Variants in LIPJ observed in about 807,000 individuals in gnomAD.
LIPJ encodes the protein lipase family member J.
In LIPJ, 33 loss-of-function variants were observed where a neutral mutation model predicts 39.8. The ratio of observed to expected loss-of-function variants is 0.83; its 90% CI spans 0.63 to 1.11. LIPJ has a LOEUF of 1.11. Among genes scored for constraint, LIPJ ranks in the 50% least tolerant of loss-of-function variants. The pLI, the probability that LIPJ is intolerant of heterozygous loss-of-function variation, is 0.00. For missense variants in LIPJ, 422 were observed against 427.9 expected, an observed-to-expected ratio of 0.99 and a Z score of 0.12; for synonymous variants, 128 against 139.2, an observed-to-expected ratio of 0.92 and a Z score of 0.57.
chr10:88,610,974 A>T (rs1243635891), downstream of LIPJ, among the ~76,000 whole-genome samples: 1 of 152,228 alleles, frequency 6.6e-6, no homozygotes, highest in Non-Finnish European at 1.5e-5. Flanking sequence ...ATATCTTAGA[A>T]GAGACGCAGA....
At chr10:88,610,134 G>T (rs1194599748), downstream of LIPJ, among the ~76,000 whole-genome samples, 1 of 152,114 alleles carries the variant, frequency 6.6e-6, no homozygotes, top group Non-Finnish European at 1.5e-5. Flanking sequence ...AATGAAAATT[G>T]ATCACTTATT....
intron 5 of LIPJ, 119 bp downstream of exon 5, chr10:88,594,263 A>G (rs981844800): frequency 4.3e-6 from 3 of 693,890 alleles, no homozygotes; most frequent in Non-Finnish European, 2.4e-6. Context: ...TCCATAGACT[A>G]TTACAATTTA....
At chr10:88,611,425 T>C (rs1428951198), downstream of LIPJ, among the ~76,000 whole-genome samples, 3 of 152,142 alleles carry the variant, frequency 2.0e-5, no homozygotes, top group African/African-American at 4.8e-5. Context: ...AATCTCTGAA[T>C]TGCTAGAAAA....
intron 2 of LIPJ, among the ~76,000 whole-genome samples, chr10:88,588,305 C>A (rs1422080626): frequency 6.6e-6 from 1 of 151,748 alleles, no homozygotes; most frequent in African/African-American, 2.4e-5. Flanking sequence ...TTAAATAGCT[C>A]ATGTCAACTT....
chr10:88,619,386 T>C, the LIPJ span, among the ~76,000 whole-genome samples: 48 of 151,540 alleles, frequency 3.2e-4, 1 homozygote, highest in Admixed American at 2.8e-3. Context: ...GATTTTATAA[T>C]TGCCAAATAA....
At chr10:88,610,742 A>G (rs978491575), downstream of LIPJ, among the ~76,000 whole-genome samples, 4 of 152,244 alleles carry the variant, frequency 2.6e-5, no homozygotes, top group Non-Finnish European at 5.9e-5. Context: ...CTATGTAGTC[A>G]GTTGATCTTT....
downstream of LIPJ, among the ~76,000 whole-genome samples, chr10:88,611,866 T>C (rs1257777154): frequency 6.6e-6 from 1 of 152,194 alleles, no homozygotes; most frequent in East Asian, 1.9e-4. Context: ...AAGGAAAACT[T>C]ATTCAGCCTT....
exon 8 of LIPJ, chr10:88,596,876 T>C: frequency 6.3e-7 from 1 of 1,596,170 alleles, no homozygotes; most frequent in South Asian, 1.1e-5. Flanking sequence ...AGATTTTTGA[T>C]AAGATTTGCC....
intron 8 of LIPJ, among the ~76,000 whole-genome samples, chr10:88,598,314 G>A (rs1040451028): frequency 6.6e-6 from 1 of 151,984 alleles, no homozygotes. Context: ...ATGTCACTCA[G>A]GTGTGGAAAA....
chr10:88,615,303 A>C, the LIPJ span, among the ~76,000 whole-genome samples: 4 of 152,218 alleles, frequency 2.6e-5, no homozygotes, highest in Admixed American at 1.3e-4. Flanking sequence ...GAAGAAATTC[A>C]AATCTCTCTG....
chr10:88,584,754 C>G (rs141913944), upstream of LIPJ, among the ~76,000 whole-genome samples: 1,601 of 152,236 alleles, frequency 0.011, 30 homozygotes, highest in African/African-American at 0.037. Flanking sequence ...CCCACCGCCA[C>G]GTGTGGCTCA....
chr10:88,620,144 G>C, the LIPJ span, among the ~76,000 whole-genome samples: 1 of 152,020 alleles, frequency 6.6e-6, no homozygotes, highest in African/African-American at 2.4e-5. Context: ...CAAAATAACT[G>C]AAGTGTTATT....
intron 9 of LIPJ, among the ~76,000 whole-genome samples, chr10:88,603,653 A>G (rs1185333458): frequency 6.6e-6 from 1 of 152,188 alleles, no homozygotes; most frequent in Non-Finnish European, 1.5e-5. Flanking sequence ...AAGTAAAATT[A>G]ATAATTCTCT....
the LIPJ span, among the ~76,000 whole-genome samples, chr10:88,612,334 C>A: frequency 1.3e-5 from 2 of 152,054 alleles, no homozygotes; most frequent in Non-Finnish European, 2.9e-5. Context: ...TCTCACAGGA[C>A]CTGTATAATA....
chr10:88,603,356 T>C (rs960837639), intron 9 of LIPJ, among the ~76,000 whole-genome samples: 1 of 152,162 alleles, frequency 6.6e-6, no homozygotes, highest in African/African-American at 2.4e-5. Context: ...CTCCGTTAAA[T>C]TGTCAACTCC....
chr10:88,612,495 A>G, the LIPJ span, among the ~76,000 whole-genome samples: 1 of 152,170 alleles, frequency 6.6e-6, no homozygotes, highest in African/African-American at 2.4e-5. Context: ...CTCACCTAAC[A>G]TAACACATAA....
At chr10:88,618,670 A>AC in the LIPJ span, 1 of 154,270 alleles carries the variant, frequency 6.5e-6, no homozygotes, top group East Asian at 1.9e-4. Flanking sequence ...GACCCTGATG[A>AC]CAAATGCCAA....
At chr10:88,584,844 A>G (rs1850853589), upstream of LIPJ, among the ~76,000 whole-genome samples, 1 of 152,184 alleles carries the variant, frequency 6.6e-6, no homozygotes, top group Non-Finnish European at 1.5e-5. Context: ...GTAAATGTAA[A>G]AATGTCTTTT....
chr10:88,585,224 C>T (rs17109303), upstream of LIPJ, among the ~76,000 whole-genome samples: 3,070 of 152,294 alleles, frequency 0.02, 79 homozygotes, highest in South Asian at 0.084. Flanking sequence ...ATCATCTCAA[C>T]GGTGAAGCAA....
Sources: gnomAD v4.1 joint callset for allele counts (sites outside exome capture counted in the v4.1 genomes callset) on GRCh38, gnomAD v4.1.1 for gene constraint, MANE v1.5 for transcripts, NCBI Gene and HGNC (gene_info 2026-07-23, HGNC 2026-07-21) for gene names.